Variants in BACH2 observed in about 807,000 individuals in gnomAD.
BACH2 encodes the protein transcription regulator protein BACH2.
Under a neutral mutation model 61.8 loss-of-function variants are expected in BACH2, and 5 were observed. The observed-to-expected ratio is 0.08, with a 90% CI of 0.04 to 0.17. The LOEUF (loss-of-function observed/expected upper bound fraction) is 0.17. Ranked by LOEUF, BACH2 falls within the 10% of genes least tolerant of loss-of-function variation. The pLI is 1.00. For synonymous variants in BACH2, 446 were observed against 440.1 expected, an observed-to-expected ratio of 1.01 and a Z score of -0.17; for missense variants, 824 against 1,091.1, an observed-to-expected ratio of 0.76 and a Z score of 3.45.
chr6:90,030,843 G>C (rs9362712), intron 5 of BACH2, among the ~76,000 whole-genome samples: 1 of 151,724 alleles, frequency 6.6e-6, no homozygotes, highest in Non-Finnish European at 1.5e-5. Context: ...AATCCTCCCT[G>C]ACTCATTTTA....
Position 90,285,328 on chromosome 6 carries a change from T to G in BACH2, c.-446+11152A>C, listed in dbSNP as rs79408519. On this transcript the variant is annotated intron_variant, in intron 1 of 8. Coordinates refer to ENST00000257749, the MANE Select transcript of BACH2 (RefSeq NM_021813.4). ...CATAAAACAATGTCAGGCTAGTCAC[T>G]TGCACCCTCGCCCCTGCTTCCCTAC... 3.0e-3 allele frequency among the ~76,000 whole-genome samples: 458 copies of G among 152,292 alleles called. 7 individuals carry two copies. Among genetic ancestry groups the G allele is most frequent in the East Asian group, 0.016 (82 of 5,176 alleles).
At chr6:90,127,775 G>A (rs1235337054) in intron 4 of BACH2, among the ~76,000 whole-genome samples, 4 of 152,172 alleles carry the variant, frequency 2.6e-5, no homozygotes, top group Admixed American at 2.6e-4. Flanking sequence ...TGTGGTGTGA[G>A]GCTCTTGCGT....
chr6:90,058,402 A>G (rs1780488889), intron 5 of BACH2, among the ~76,000 whole-genome samples: 1 of 152,218 alleles, frequency 6.6e-6, no homozygotes, highest in Non-Finnish European at 1.5e-5. Context: ...AATACCTGGG[A>G]ATCCAACTTA....
chr6:89,991,400 T>C (rs1776549980), intron 6 of BACH2, among the ~76,000 whole-genome samples: 1 of 152,166 alleles, frequency 6.6e-6, no homozygotes, highest in African/African-American at 2.4e-5. Flanking sequence ...TGTTAAATCA[T>C]TACATTTGCT....
At chr6:90,230,032 A>G (rs1201159500) in intron 3 of BACH2, among the ~76,000 whole-genome samples, 1 of 152,158 alleles carries the variant, frequency 6.6e-6, no homozygotes, top group East Asian at 1.9e-4. Context: ...AATCCCCGAC[A>G]TTCTGACTGA....
intron 6 of BACH2, among the ~76,000 whole-genome samples, chr6:89,972,968 T>TA (rs1392841416): frequency 6.6e-6 from 1 of 152,136 alleles, no homozygotes; most frequent in African/African-American, 2.4e-5. Context: ...CGGGCACCTG[T>TA]AATCTCAGCT....
intron 4 of BACH2, among the ~76,000 whole-genome samples, chr6:90,125,187 G>A (rs529964240): frequency 5.2e-4 from 79 of 152,256 alleles, no homozygotes; most frequent in African/African-American, 1.7e-3. Context: ...AGAAGAAAAT[G>A]TGCCATAAAA....
intron 6 of BACH2, among the ~76,000 whole-genome samples, chr6:89,987,834 TC>T (rs1776327564): frequency 6.6e-6 from 1 of 152,132 alleles, no homozygotes; most frequent in Non-Finnish European, 1.5e-5. Flanking sequence ...TTGATGCTTC[TC>T]CCCTTATAGC....
At chr6:90,074,174 T>C (rs1383953453) in intron 5 of BACH2, among the ~76,000 whole-genome samples, 1 of 152,236 alleles carries the variant, frequency 6.6e-6, no homozygotes, top group Non-Finnish European at 1.5e-5. Context: ...TTGAAGCCCA[T>C]GTAAAAACTG....
At chr6:90,131,464 G>C (rs1480388037) in intron 4 of BACH2, among the ~76,000 whole-genome samples, 1 of 152,182 alleles carries the variant, frequency 6.6e-6, no homozygotes, top group Non-Finnish European at 1.5e-5. Flanking sequence ...CCAACCTGCT[G>C]AGAACCAGGG....
intron 4 of BACH2, among the ~76,000 whole-genome samples, chr6:90,146,265 A>T (rs1426311569): frequency 6.6e-6 from 1 of 152,242 alleles, no homozygotes; most frequent in African/African-American, 2.4e-5. Flanking sequence ...GACCAAGGTC[A>T]TGACTCTGAT....
At chr6:90,144,107 A>G (rs1784545884) in intron 4 of BACH2, among the ~76,000 whole-genome samples, 1 of 152,192 alleles carries the variant, frequency 6.6e-6, no homozygotes. Flanking sequence ...ATGCTCACCT[A>G]CAACTACTTT....
At chr6:89,994,558 T>G (rs907022500) in intron 6 of BACH2, among the ~76,000 whole-genome samples, 2 of 152,226 alleles carry the variant, frequency 1.3e-5, no homozygotes, top group African/African-American at 4.8e-5. Context: ...CTTTGGTTCT[T>G]AGAAGAATGA....
rs1452321504 is a variant in BACH2 at position 89,930,162 on chromosome 6, CACAA to C, written c.*2242_*2245del. 5.7e-5 allele frequency: 8 copies of C among 139,698 alleles called. No individual in the cohort carries two copies. Among genetic ancestry groups the C allele is most frequent in the South Asian group, 2.3e-4 (1 of 4,288 alleles). The allele number at this position is 139,698 out of a possible 1,614,324, so 8.7% of individuals were successfully genotyped here. ...ACACACACACACACACACACACACA[CACAA>C]ACAAGAAAAAACAAAAACCCAGAGG... is the stretch of plus-strand genomic sequence containing the variant. On this transcript the variant is annotated 3_prime_UTR_variant, in exon 9 of 9. Transcript: ENST00000257749.
intron 4 of BACH2, among the ~76,000 whole-genome samples, chr6:90,189,354 A>T (rs1196976037): frequency 1.3e-5 from 2 of 150,758 alleles, no homozygotes; most frequent in South Asian, 2.1e-4. Flanking sequence ...CACGCCTGTA[A>T]TCCCAGCACT....
intron 6 of BACH2, among the ~76,000 whole-genome samples, chr6:89,958,601 T>C (rs577355800): frequency 6.6e-6 from 1 of 152,204 alleles, no homozygotes; most frequent in Non-Finnish European, 1.5e-5. Context: ...AACAAGTGAC[T>C]GGGGAGACAG....
chr6:90,021,851 G>A (rs1778395018), intron 5 of BACH2, among the ~76,000 whole-genome samples: 1 of 152,156 alleles, frequency 6.6e-6, no homozygotes, highest in Non-Finnish European at 1.5e-5. Context: ...TAAAGTAAGG[G>A]CCCTGACTGA....
At chr6:90,030,030 A>C (rs9362710) in intron 5 of BACH2, among the ~76,000 whole-genome samples, 40,216 of 152,082 alleles carry the variant, frequency 0.26, 6,473 homozygotes, top group East Asian at 0.68. Flanking sequence ...CTCTGTGCTC[A>C]AATACTCACA....
chr6:90,069,159 G>A (rs1235996211), intron 5 of BACH2, among the ~76,000 whole-genome samples: 1 of 152,114 alleles, frequency 6.6e-6, no homozygotes, highest in African/African-American at 2.4e-5. Context: ...GCCTGAAGAC[G>A]GGATCCTATC....
Sources: allele counts gnomAD v4.1 joint callset (sites outside exome capture counted in the v4.1 genomes callset), GRCh38; gene constraint gnomAD v4.1.1; transcripts MANE v1.5; gene names NCBI Gene and HGNC (gene_info 2026-07-23, HGNC 2026-07-21).